Variants in MAP3K19 observed in about 807,000 individuals in gnomAD.
MAP3K19 encodes mitogen-activated protein kinase kinase kinase 19.
A neutral mutation model predicts 114.4 loss-of-function variants in MAP3K19; 91 were observed. The ratio of observed to expected loss-of-function variants is 0.80; its 90% CI spans 0.67 to 0.95. MAP3K19 has a LOEUF of 0.95. MAP3K19 is among the 40% of genes least tolerant of loss of function. The pLI is 0.00. For synonymous variants in MAP3K19, 518 were observed against 530.5 expected, an observed-to-expected ratio of 0.98 and a Z score of 0.32; for missense variants, 1,471 against 1,573.2, an observed-to-expected ratio of 0.94 and a Z score of 1.10.
chr2:135,029,787 G>C (rs1381293749), intron 3 of MAP3K19, among the ~76,000 whole-genome samples: 1 of 152,088 alleles, frequency 6.6e-6, no homozygotes, highest in Non-Finnish European at 1.5e-5. Flanking sequence ...AAGTTGCTTT[G>C]GGAAAAAGTA....
At chr2:135,028,263 T>C (rs1688301216) in intron 3 of MAP3K19, among the ~76,000 whole-genome samples, 1 of 152,098 alleles carries the variant, frequency 6.6e-6, no homozygotes. Flanking sequence ...TTTATAATAA[T>C]ACAGCAGCTC....
Position 134,998,968 on chromosome 2 carries a change from G to A in MAP3K19, c.344C>T (p.Ala115Val), listed in dbSNP as rs769086800. 8 of 1,613,768 alleles carry A rather than the reference G, an allele frequency of 5.0e-6. No homozygotes were observed. Among genetic ancestry groups the A allele is most frequent in the Non-Finnish European group, 6.8e-6 (8 of 1,179,988 alleles). The change falls in exon 8 of 13, where the codon GCA becomes GTA. Residue 115 changes from alanine (A) to valine (V), a missense_variant. Coordinates refer to ENST00000392915, the MANE Select transcript of MAP3K19 (RefSeq NM_025052.5). ...NLINSSLQEW[A>V]QAHAVSHPNE... is the part of the protein sequence containing the mutation. ...TGGATGAGAAACTGCATGTGCTTGT[G>A]CCCATTCTTGAAGCGATGAGTTTAT...
At chr2:134,981,880 C>CTTTT (rs567597251) in intron 11 of MAP3K19, among the ~76,000 whole-genome samples, 790 of 124,318 alleles carry the variant, frequency 6.4e-3, no homozygotes, top group Non-Finnish European at 7.9e-3. Flanking sequence ...GATTTCTTTT[C>CTTTT]TTTTTTTTTT....
In MAP3K19 at chr2:134,988,056, C is replaced by A; in HGVS notation, c.816G>T (p.Leu272Phe). The change falls in exon 10 of 13, where the codon TTG becomes TTT. Residue 272 changes from leucine (L) to phenylalanine (F), a missense_variant. Transcript: ENST00000392915. ...CAGAAGACCTGAGAGTCGGATCCAT[C>A]AACGACTTAACTAGGGCTCCCGGAG... ...NEPPGALVKS[L>F]MDPTLRSSDG... is the part of the protein sequence containing the mutation. 6.2e-7 allele frequency: 1 copy of A among 1,613,724 alleles called. No individual in the cohort carries two copies. Among genetic ancestry groups the A allele is most frequent in the South Asian group, 1.1e-5 (1 of 91,014 alleles).
At chr2:135,044,428 T>A (rs1438128303) in intron 1 of MAP3K19, among the ~76,000 whole-genome samples, 1 of 152,110 alleles carries the variant, frequency 6.6e-6, no homozygotes, top group Non-Finnish European at 1.5e-5. Flanking sequence ...CCATCTGTAC[T>A]AAAAATACAA....
At chr2:135,045,862 G>A (rs879313959) in intron 1 of MAP3K19, among the ~76,000 whole-genome samples, 2 of 152,124 alleles carry the variant, frequency 1.3e-5, no homozygotes, top group Non-Finnish European at 2.9e-5. Flanking sequence ...GATGGAATGA[G>A]CACATAGCAT....
intron 5 of MAP3K19, among the ~76,000 whole-genome samples, chr2:135,011,927 A>C (rs1687263721): frequency 6.6e-6 from 1 of 152,194 alleles, no homozygotes; most frequent in Non-Finnish European, 1.5e-5. Context: ...ATTTATTTCA[A>C]TGTATTAATA....
At chr2:134,992,353 T>C (rs1193196948) in intron 8 of MAP3K19, among the ~76,000 whole-genome samples, 1 of 152,168 alleles carries the variant, frequency 6.6e-6, no homozygotes, top group Admixed American at 6.6e-5. Context: ...GGGAACGAGA[T>C]GGGACTTACT....
rs111504991 is a variant in MAP3K19, at chr2:135,025,330, C to T, written c.-94-589G>A. On this transcript the variant is annotated intron_variant, in intron 3 of 12. Coordinates refer to ENST00000392915, the MANE Select transcript of MAP3K19 (RefSeq NM_025052.5). ...TGGTCTCTTGGATGAGTGGAGCAAT[C>T]TTGTCATAAAAACCAAAGTGTGCCT... is the stretch of plus-strand genomic sequence containing the variant. 3.2e-3 allele frequency among the ~76,000 whole-genome samples: 448 copies of T among 141,170 alleles called. 3 individuals carry two copies. The highest frequency in any genetic ancestry group is 0.011 in the African/African-American group (416 of 37,710). The allele number at this position is 141,170 out of a possible 152,430, so 92.6% of individuals were successfully genotyped here.
intron 2 of MAP3K19, among the ~76,000 whole-genome samples, chr2:135,035,162 C>T (rs1198011787): frequency 3.9e-5 from 6 of 151,910 alleles, no homozygotes; most frequent in South Asian, 4.1e-4. Context: ...TTTGGGAGGC[C>T]GAAGCAGGTG....
chr2:135,039,778 CA>C (rs1335920414), intron 2 of MAP3K19, among the ~76,000 whole-genome samples: 1 of 152,272 alleles, frequency 6.6e-6, no homozygotes, highest in Non-Finnish European at 1.5e-5. Flanking sequence ...AATGCTTAAA[CA>C]GAACTTTAGA....
chr2:134,972,583 C>G (rs1040244177), intron 12 of MAP3K19, among the ~76,000 whole-genome samples: 1 of 152,054 alleles, frequency 6.6e-6, no homozygotes, highest in African/African-American at 2.4e-5. Context: ...CCTAGCCTAC[C>G]AAGTGACCTA....
chr2:134,970,846 C>T (rs1683824106), intron 12 of MAP3K19, among the ~76,000 whole-genome samples: 1 of 152,158 alleles, frequency 6.6e-6, no homozygotes, highest in Non-Finnish European at 1.5e-5. Flanking sequence ...ATCTGCCTGC[C>T]TTAGCCCCAC....
chr2:135,032,369 A>AG (rs1044091192), intron 2 of MAP3K19, among the ~76,000 whole-genome samples: 12 of 136,346 alleles, frequency 8.8e-5, no homozygotes, highest in African/African-American at 1.3e-4. Flanking sequence ...AAAAAAAAAA[A>AG]AAAAGAAAAG....
intron 8 of MAP3K19, among the ~76,000 whole-genome samples, chr2:134,992,449 C>T (rs1685650963): frequency 6.6e-6 from 1 of 152,192 alleles, no homozygotes; most frequent in South Asian, 2.1e-4. Flanking sequence ...ACCACCACCA[C>T]TTCTGCATAG....
In MAP3K19 at chr2:134,980,439, T is replaced by C. The variant is rs1684553665; in HGVS notation, c.3920+382A>G. Among the ~76,000 whole-genome samples, 5 of 145,770 alleles carry C rather than the reference T, an allele frequency of 3.4e-5. No individual in the cohort carries two copies. The Admixed American group carries it at 3.5e-4, about 10-fold the overall frequency. On this transcript the variant is annotated intron_variant, in intron 12 of 12. Coordinates refer to ENST00000392915, the MANE Select transcript of MAP3K19 (RefSeq NM_025052.5). ...GCTTGAAATCTCCAATTTGTTTCTTTGGCTCAAAATGTTTCCCCTCACTTT... is the reference window on the plus strand; with the variant it reads ...GCTTGAAATCTCCAATTTGTTTCTTCGGCTCAAAATGTTTCCCCTCACTTT...
intron 12 of MAP3K19, among the ~76,000 whole-genome samples, chr2:134,973,294 T>C (rs1412835038): frequency 6.6e-6 from 1 of 152,194 alleles, no homozygotes; most frequent in Non-Finnish European, 1.5e-5. Flanking sequence ...ATTTGCTTCA[T>C]ATACCTGGGT....
chr2:134,986,870 T>C lies in MAP3K19; in HGVS notation c.2002A>G (p.Thr668Ala). 1 of 1,614,096 alleles carries C rather than the reference T, an allele frequency of 6.2e-7. No individual in the cohort carries two copies. The highest frequency in any genetic ancestry group is 8.5e-7 in the Non-Finnish European group (1 of 1,180,022). The part of the protein sequence containing the change: ...NGPGIYEMFG[T>A]PVYCHVRETE... ...TCTCGCACATGACAATAAACAGGGG[T>C]CCCAAACATTTCATAGATTCCAGGT... The change falls in exon 10 of 13, where the codon ACC becomes GCC. Residue 668 changes from threonine (T) to alanine (A), a missense_variant. Thr to Ala is a moderately conservative substitution (Grantham distance 58, BLOSUM62 0). Transcript: ENST00000392915.
chr2:135,018,012 C>T (rs1423361595), intron 5 of MAP3K19, among the ~76,000 whole-genome samples: 1 of 152,128 alleles, frequency 6.6e-6, no homozygotes, highest in Admixed American at 6.5e-5. Context: ...GTAGTTTAGG[C>T]CGGGTACGGT....
Sources: gnomAD v4.1 joint callset for allele counts (sites outside exome capture counted in the v4.1 genomes callset) on GRCh38, gnomAD v4.1.1 for gene constraint, MANE v1.5 for transcripts, NCBI Gene and HGNC (gene_info 2026-07-23, HGNC 2026-07-21) for gene names.